MXD1: variants seen among roughly 807,000 people sequenced by gnomAD.
The protein encoded by MXD1 is MAX-binding protein.
Under a neutral mutation model 25.7 loss-of-function variants are expected in MXD1, and 9 were observed. The observed-to-expected ratio is 0.35, with a 90% confidence interval of 0.21 to 0.61. The LOEUF is 0.61. Among genes scored for constraint, MXD1 ranks in the 20% least tolerant of loss-of-function variants. MXD1 has a pLI of 0.75. For missense variants in MXD1, 227 were observed against 292.4 expected (o/e 0.78, Z 1.63); for synonymous variants, 99 against 113.9 (o/e 0.87, Z 0.83).
intron 3 of MXD1, among the ~76,000 whole-genome samples, chr2:69,932,876 A>C (rs1677325094): frequency 6.6e-6 from 1 of 152,192 alleles, no homozygotes; most frequent in Non-Finnish European, 1.5e-5. Flanking sequence ...AGCTGGCTGA[A>C]AAATATCTAA....
In MXD1 at chr2:69,923,337, C is replaced by T. The variant is rs548786512; in HGVS notation, c.203+1572C>T. ...TCTGAGCTCCCATCAATTTGAAATG[C>T]GGGCTACCCATCCAAATTGAGTGCT... is the stretch of plus-strand genomic sequence containing the variant. On this transcript the variant is annotated intron_variant, in intron 3 of 5. Transcript: ENST00000264444. Among the ~76,000 whole-genome samples the T allele has an allele frequency of 6.6e-5, 10 of 152,212 alleles. No homozygotes were observed. The Middle Eastern group carries it at 0.01, about 155-fold the overall frequency.
intron 2 of MXD1, among the ~76,000 whole-genome samples, chr2:69,921,227 A>T (rs1677058605): frequency 6.6e-6 from 1 of 152,200 alleles, no homozygotes; most frequent in Non-Finnish European, 1.5e-5. Context: ...CATCTTGTAC[A>T]TGATAGTTAC....
intron 3 of MXD1, among the ~76,000 whole-genome samples, chr2:69,934,969 AC>A (rs1167034730): frequency 6.6e-6 from 1 of 152,244 alleles, no homozygotes; most frequent in East Asian, 1.9e-4. Flanking sequence ...TAAATAAAAA[AC>A]ATCCCAAGTC....
Position 69,941,657 on chromosome 2 carries a change from C to G in MXD1, c.*3373C>G, listed in dbSNP as rs1295934476. On this transcript the variant is annotated 3_prime_UTR_variant, in exon 6 of 6. Transcript: ENST00000264444. ...ACAAAGGGGCCTCAACCTGAGTTTCCTATGGGCCTCTCTTCTGCATCCCCA... is the reference window on the plus strand; with the variant it reads ...ACAAAGGGGCCTCAACCTGAGTTTCGTATGGGCCTCTCTTCTGCATCCCCA... 2.6e-5 allele frequency: 4 copies of G among 152,106 alleles called. No homozygotes were observed. Among genetic ancestry groups the G allele is most frequent in the Non-Finnish European group, 5.9e-5 (4 of 68,026 alleles). 9.4% of individuals were successfully genotyped at this position (152,106 alleles called of 1,614,324 possible). A position where few individuals can be genotyped will look rare whatever the true frequency, so the allele number is the denominator to read the frequency against.
Position 69,938,358 on chromosome 2 carries a change from C to T in MXD1, c.*74C>T, listed in dbSNP as rs894210380. ...TGATTAGGTAACGTATTGGACCTGC[C>T]CACAACTCCCTTGCACGTAAACTTC... On this transcript the variant is annotated 3_prime_UTR_variant, in exon 6 of 6. Coordinates refer to ENST00000264444, the MANE Select transcript of MXD1 (RefSeq NM_002357.4). 14 of 1,471,376 alleles carry T rather than the reference C, an allele frequency of 9.5e-6. 1 individual carries two copies. In the African/African-American group the frequency reaches 9.8e-5, roughly 10 times the overall value. 91.1% of individuals were successfully genotyped at this position (1,471,376 alleles called of 1,614,324 possible).
chr2:69,937,319 A>G lies in MXD1; in HGVS notation c.403A>G (p.Lys135Glu). ...GCGACACCTGAAGAGGCAGCTGGAG[A>G]AGCTGGGCATTGAGAGGATCCGGAT... ...EQRHLKRQLE[K>E]LGIERIRMDS... The change falls in exon 5 of 6, where the codon AAG becomes GAG. Residue 135 changes from lysine (K) to glutamate (E), a missense_variant. By Grantham distance (56) the Lys-to-Glu change is moderately conservative. Coordinates refer to ENST00000264444, the MANE Select transcript of MXD1 (RefSeq NM_002357.4). 1 of 1,614,180 alleles carries G rather than the reference A, an allele frequency of 6.2e-7. No individual in the cohort carries two copies. The highest frequency in any genetic ancestry group is 8.5e-7 in the Non-Finnish European group (1 of 1,180,020).
intron 2 of MXD1, among the ~76,000 whole-genome samples, chr2:69,920,211 T>C (rs1466942870): frequency 6.6e-6 from 1 of 151,706 alleles, no homozygotes; most frequent in South Asian, 2.1e-4. Context: ...TGGTCTCAAT[T>C]TCCTGACCTC....
intron 3 of MXD1, among the ~76,000 whole-genome samples, chr2:69,927,216 A>G (rs1677187478): frequency 6.6e-6 from 1 of 152,204 alleles, no homozygotes; most frequent in Non-Finnish European, 1.5e-5. Flanking sequence ...TTTTCAAATG[A>G]CCAAGTCCCT....
Position 69,937,246 on chromosome 2 carries a change from T to C in MXD1, c.330T>C (p.Asp110=), listed in dbSNP as rs1478607755. ...KAKLHIKKLE[D]CDRKAVHQID... is the part of the protein sequence containing the mutation. ...CCTTTGACTTGCAGAAACTTGAAGA[T>C]TGTGACAGAAAAGCCGTTCACCAAA... Residue 110 remains aspartate, a synonymous_variant, in exon 5 of 6, where the codon GAT becomes GAC. Transcript: ENST00000264444. 8 of 1,613,682 alleles carry C rather than the reference T, an allele frequency of 5.0e-6. No individual in the cohort carries two copies. The highest frequency in any genetic ancestry group is 6.8e-6 in the Non-Finnish European group (8 of 1,179,808).
At position 69,915,198 on chromosome 2, in the gene MXD1, C is replaced by T; in HGVS notation, c.-133C>T. On this transcript the variant is annotated 5_prime_UTR_variant, in exon 1 of 6. Transcript: ENST00000264444. The surrounding 1 kb of genome is among the most constrained non-coding windows in gnomAD (Gnocchi z 5.8). ...TCGAGCGTGGTTGCCAGAGAGGCTC[C>T]CTCAGCCCTGCTCCGCGGGGTCCAC... The T allele has an allele frequency of 1.3e-6, 1 of 770,552 alleles. No individual in the cohort carries two copies. The highest frequency in any genetic ancestry group is 3.4e-5 in the East Asian group (1 of 29,610). 47.7% of individuals were successfully genotyped at this position (770,552 alleles called of 1,614,324 possible).
chr2:69,922,813 G>A (rs952273914), intron 3 of MXD1, among the ~76,000 whole-genome samples: 11 of 150,780 alleles, frequency 7.3e-5, no homozygotes, highest in African/African-American at 2.7e-4. Context: ...CCTAGAGGCG[G>A]AGGTTGCGGT....
Position 69,915,280 on chromosome 2 carries a change from G to C in MXD1, c.-51G>C. On this transcript the variant is annotated 5_prime_UTR_variant, in exon 1 of 6. Transcript: ENST00000264444. This position sits in a 1 kb window ranked among gnomAD's most constrained non-coding sequence, Gnocchi z 5.8. ...TCCACAGCGGTCCGGCGGCGGCAGCGAGCCCGTGGGCAGTGGGGGTTGGTC... is the reference window on the plus strand; with the variant it reads ...TCCACAGCGGTCCGGCGGCGGCAGCCAGCCCGTGGGCAGTGGGGGTTGGTC... 7.7e-7 allele frequency: 1 copy of C among 1,291,612 alleles called. No homozygotes were observed. Among genetic ancestry groups the C allele is most frequent in the Non-Finnish European group, 9.9e-7 (1 of 1,010,066 alleles). 80.0% of individuals were successfully genotyped at this position (1,291,612 alleles called of 1,614,324 possible).
At chr2:69,920,231 C>CT (rs1301058951) in intron 2 of MXD1, among the ~76,000 whole-genome samples, 2 of 152,192 alleles carry the variant, frequency 1.3e-5, no homozygotes, top group Non-Finnish European at 2.9e-5. Flanking sequence ...CATGATCCGC[C>CT]TGCCTCGGCC....
intron 5 of MXD1, 75 bp from the exon 6 acceptor site, chr2:69,938,021 AC>A: frequency 7.0e-7 from 1 of 1,425,934 alleles, no homozygotes; most frequent in South Asian, 1.3e-5. Context: ...TGCTGGGATT[AC>A]AAGCATGAGC....
In MXD1 at chr2:69,942,056, C is replaced by A. The variant is rs965126660; in HGVS notation, c.*3772C>A. 1 of 152,064 alleles carries A rather than the reference C, an allele frequency of 6.6e-6. No individual in the cohort carries two copies. Among genetic ancestry groups the A allele is most frequent in the Non-Finnish European group, 1.5e-5 (1 of 68,028 alleles). 9.4% of individuals were successfully genotyped at this position (152,064 alleles called of 1,614,324 possible). On this transcript the variant is annotated 3_prime_UTR_variant, in exon 6 of 6. Coordinates refer to ENST00000264444, the MANE Select transcript of MXD1 (RefSeq NM_002357.4). ...GTCTTTTCTGTTTCTTCTTTGTTTC[C>A]CCAAGTTTGTCTGTCCCCCTTTGCC...
intron 3 of MXD1, among the ~76,000 whole-genome samples, chr2:69,931,498 A>G (rs964652545): frequency 6.6e-6 from 1 of 152,198 alleles, no homozygotes; most frequent in Non-Finnish European, 1.5e-5. Context: ...GTTGTTGCAA[A>G]TGACAGGATC....
In MXD1 at chr2:69,940,039, T is replaced by C. The variant is rs1002695812; in HGVS notation, c.*1755T>C. ...TTCTAAACATTCTGATTGGAAGTAG[T>C]GGATTCCTAAATGATTCCAAAGTCA... On this transcript the variant is annotated 3_prime_UTR_variant, in exon 6 of 6. Transcript: ENST00000264444. 6.6e-6 allele frequency: 1 copy of C among 151,652 alleles called. No homozygotes were observed. The highest frequency in any genetic ancestry group is 1.5e-5 in the Non-Finnish European group (1 of 67,960). 9.4% of individuals were successfully genotyped at this position (151,652 alleles called of 1,614,324 possible).
chr2:69,919,683 G>A (rs1351999587), intron 2 of MXD1, among the ~76,000 whole-genome samples: 6 of 152,094 alleles, frequency 3.9e-5, no homozygotes, highest in Middle Eastern at 3.4e-3. Context: ...TACTAGTCCC[G>A]GTTAAAGTTA....
chr2:69,923,015 A>T (rs1223613942), intron 3 of MXD1, among the ~76,000 whole-genome samples: 1 of 148,346 alleles, frequency 6.7e-6, no homozygotes, highest in Admixed American at 6.8e-5. Flanking sequence ...TTTAAAGCAA[A>T]TTTTCTTGTA....
Sources: gnomAD v4.1 joint callset for allele counts (sites outside exome capture counted in the v4.1 genomes callset) on GRCh38, gnomAD v4.1.1 for gene constraint, Gnocchi (gnomAD v3.1) non-coding constraint, MANE v1.5 for transcripts, NCBI Gene and HGNC (gene_info 2026-07-23, HGNC 2026-07-21) for gene names.